The following YPEL1 variants were observed in gnomAD, a reference collection of about 807,000 sequenced individuals.
YPEL1 encodes protein yippee-like 1.
YPEL1 carries 7 observed loss-of-function variants against 17.3 expected under a neutral mutation model. That is an observed-to-expected ratio of 0.40 (90% CI 0.23 to 0.76). YPEL1 has a LOEUF of 0.76. Among genes scored for constraint, YPEL1 ranks in the 30% least tolerant of loss-of-function variants. The probability of loss-of-function intolerance (pLI) is 0.35; values close to 1 mark genes in which losing one functional copy is unlikely to be tolerated. For synonymous variants in YPEL1, 59 were observed against 59.6 expected (o/e 0.99, Z 0.05); for missense variants, 91 against 155.5 (o/e 0.59, Z 2.21).
At chr22:21,718,868 T>C (rs888924404) in intron 1 of YPEL1, among the ~76,000 whole-genome samples, 3 of 152,222 alleles carry the variant, frequency 2.0e-5, no homozygotes, top group Non-Finnish European at 4.4e-5. Flanking sequence ...TGAAAAAGTC[T>C]GCCTATATTG....
chr22:21,719,049 A>G (rs2068255128), intron 1 of YPEL1, among the ~76,000 whole-genome samples: 1 of 152,156 alleles, frequency 6.6e-6, no homozygotes, highest in Non-Finnish European at 1.5e-5. Context: ...ATTGCCCTGA[A>G]CTACTGGGCC....
chr22:21,717,797 T>A (rs767875838), intron 1 of YPEL1, among the ~76,000 whole-genome samples: 7 of 152,092 alleles, frequency 4.6e-5, no homozygotes, highest in Non-Finnish European at 1.0e-4. Context: ...ATAACTGATA[T>A]CTCAGATTTT....
Position 21,712,367 on chromosome 22 carries a change from T to TTA in YPEL1, c.-164-1460_-164-1459insTA, listed in dbSNP as rs1555904116. Among the ~76,000 whole-genome samples, 78 of 130,590 alleles carry TTA rather than the reference T, an allele frequency of 6.0e-4. 1 individual carries two copies. The Middle Eastern group carries it at 0.017, about 28-fold the overall frequency. The allele number at this position is 130,590 out of a possible 152,430, so 85.7% of individuals were successfully genotyped here. On this transcript the variant is annotated intron_variant, in intron 1 of 4. Coordinates refer to ENST00000339468, the MANE Select transcript of YPEL1 (RefSeq NM_013313.5). ...TATATATCCTAGTTATTGGAATATG[T>TTA]AAAAAAAAAAAAAAAAAACAACTAC... is the stretch of plus-strand genomic sequence containing the variant.
chr22:21,703,733 A>T lies in YPEL1; in HGVS notation c.161+106T>A. ...CGGCGGGGGGATGGTGGGTTCTTTCAGGACCCCTAAAGACCCAGGTGATTC... is the reference window on the plus strand; with the variant it reads ...CGGCGGGGGGATGGTGGGTTCTTTCTGGACCCCTAAAGACCCAGGTGATTC... On this transcript the variant is annotated intron_variant, in intron 3 of 4. Coordinates refer to ENST00000339468, the MANE Select transcript of YPEL1 (RefSeq NM_013313.5). This position sits in a 1 kb window ranked among gnomAD's most constrained non-coding sequence, Gnocchi z 6.1. 7.9e-7 allele frequency: 1 copy of T among 1,271,916 alleles called. No individual in the cohort carries two copies. Among genetic ancestry groups the T allele is most frequent in the Non-Finnish European group, 1.1e-6 (1 of 917,104 alleles). The allele number at this position is 1,271,916 out of a possible 1,614,324, so 78.8% of individuals were successfully genotyped here.
rs1348995435 is a variant in YPEL1, at chr22:21,703,220, G to A, written c.270+150C>T. On this transcript the variant is annotated intron_variant, in intron 4 of 4. Coordinates refer to ENST00000339468, the MANE Select transcript of YPEL1 (RefSeq NM_013313.5). The surrounding 1 kb of genome is among the most constrained non-coding windows in gnomAD (Gnocchi z 6.1). ...GCAGTGGTGAGACCATGCCTCACTG[G>A]AGTCTGGACTTCCCACCTCGGCTGA... The A allele has an allele frequency of 1.5e-6, 1 of 674,576 alleles. No homozygotes were observed. Among genetic ancestry groups the A allele is most frequent in the Non-Finnish European group, 2.6e-6 (1 of 381,412 alleles). 41.8% of individuals were successfully genotyped at this position (674,576 alleles called of 1,614,324 possible).
chr22:21,727,430 T>C (rs758621015), intron 1 of YPEL1, among the ~76,000 whole-genome samples: 4 of 152,184 alleles, frequency 2.6e-5, no homozygotes, highest in African/African-American at 7.2e-5. Flanking sequence ...TGCTGGGCAA[T>C]TCACCAGGAA....
Position 21,703,549 on chromosome 22 carries a change from G to T in YPEL1, c.162-71C>A. ...TGACCAGGCCCTGCCCCCTCAGCGG[G>T]CCCCACCCCATCCTCCTAAGAGTTC... On this transcript the variant is annotated intron_variant, in intron 3 of 4. Transcript: ENST00000339468. This position sits in a 1 kb window ranked among gnomAD's most constrained non-coding sequence, Gnocchi z 6.1. The T allele has an allele frequency of 2.9e-6, 4 of 1,399,336 alleles. No homozygotes were observed. Among genetic ancestry groups the T allele is most frequent in the Non-Finnish European group, 4.0e-6 (4 of 1,002,188 alleles). 86.7% of individuals were successfully genotyped at this position (1,399,336 alleles called of 1,614,324 possible).
chr22:21,704,017 C>T (rs2068092602), intron 2 of YPEL1, 135 bp from the exon 3 acceptor site: 1 of 959,196 alleles, frequency 1.0e-6, no homozygotes, highest in East Asian at 2.6e-5. Context: ...ACACCGGCGT[C>T]CCCCCTCCAG....
chr22:21,727,952 C>A (rs1031701777), intron 1 of YPEL1, among the ~76,000 whole-genome samples: 1 of 152,168 alleles, frequency 6.6e-6, no homozygotes, highest in Non-Finnish European at 1.5e-5. Context: ...GAAGCCAGTG[C>A]GTCAGGGTCA....
At position 21,698,592 on chromosome 22, in the gene YPEL1, A is replaced by C. The variant is rs964263817; in HGVS notation, c.*2537T>G. On this transcript the variant is annotated 3_prime_UTR_variant, in exon 5 of 5. Coordinates refer to ENST00000339468, the MANE Select transcript of YPEL1 (RefSeq NM_013313.5). ...GGGTTCCCACATGGGAGAGGAATGA[A>C]GACTCACTCAAAGGGAAGGGTCAGT... is the stretch of plus-strand genomic sequence containing the variant. The C allele has an allele frequency of 3.3e-5, 5 of 152,360 alleles. No individual in the cohort carries two copies. Among genetic ancestry groups the C allele is most frequent in the Admixed American group, 6.5e-5 (1 of 15,276 alleles). 9.4% of individuals were successfully genotyped at this position (152,360 alleles called of 1,614,324 possible). A position where few individuals can be genotyped will look rare whatever the true frequency, so the allele number is the denominator to read the frequency against.
intron 1 of YPEL1, among the ~76,000 whole-genome samples, chr22:21,719,998 C>A (rs1439727191): frequency 7.0e-6 from 1 of 143,232 alleles, no homozygotes; most frequent in Admixed American, 7.1e-5. Context: ...GGTGACAGAG[C>A]GAGACTCCAT....
In YPEL1 at chr22:21,698,117, T is replaced by C. The variant is rs998326199; in HGVS notation, c.*3012A>G. On this transcript the variant is annotated 3_prime_UTR_variant, in exon 5 of 5. Transcript: ENST00000339468. The stretch of plus-strand genomic sequence containing the variant: ...AGTCCTAGATGATATTGTTTAGGAA[T>C]TTAAGAGGGTGGTGGATATGGTCCT... 2.6e-5 allele frequency: 4 copies of C among 152,066 alleles called. No individual in the cohort carries two copies. The highest frequency in any genetic ancestry group is 5.9e-5 in the Non-Finnish European group (4 of 67,976). The allele number at this position is 152,066 out of a possible 1,614,324, so 9.4% of individuals were successfully genotyped here.
intron 1 of YPEL1, among the ~76,000 whole-genome samples, chr22:21,714,986 C>T (rs936446761): frequency 2.0e-5 from 3 of 152,106 alleles, no homozygotes; most frequent in African/African-American, 2.4e-5. Context: ...CCATATCGGT[C>T]GTGGAATGAT....
Position 21,703,621 on chromosome 22 carries a change from C to T in YPEL1, c.162-143G>A, listed in dbSNP as rs1424780932. On this transcript the variant is annotated intron_variant, in intron 3 of 4. Coordinates refer to ENST00000339468, the MANE Select transcript of YPEL1 (RefSeq NM_013313.5). This position sits in a 1 kb window ranked among gnomAD's most constrained non-coding sequence, Gnocchi z 6.1. Reference sequence around the variant, plus strand: ...AGAGAGCAGTGCCGTGCCTCTCCCCCAGCCCTGCCCGCCACCACCATCAAT... The same window carrying T: ...AGAGAGCAGTGCCGTGCCTCTCCCCTAGCCCTGCCCGCCACCACCATCAAT... 48 of 848,626 alleles carry T rather than the reference C, an allele frequency of 5.7e-5. No homozygotes were observed. In the Admixed American group the frequency reaches 1.1e-3, roughly 20 times the overall value. The allele number at this position is 848,626 out of a possible 1,614,324, so 52.6% of individuals were successfully genotyped here.
intron 2 of YPEL1, among the ~76,000 whole-genome samples, chr22:21,705,409 A>AT (rs1482695779): frequency 6.6e-6 from 1 of 152,256 alleles, no homozygotes; most frequent in Non-Finnish European, 1.5e-5. Context: ...TCAGATTTTC[A>AT]TATCTAAATT....
At chr22:21,724,859 C>T (rs117787070) in intron 1 of YPEL1, among the ~76,000 whole-genome samples, 1,630 of 151,912 alleles carry the variant, frequency 0.011, 17 homozygotes, top group Non-Finnish European at 0.016. Flanking sequence ...GGATTAGAGG[C>T]ATGAACCATT....
At chr22:21,710,263 A>G (rs1298817579) in intron 2 of YPEL1, among the ~76,000 whole-genome samples, 1 of 152,104 alleles carries the variant, frequency 6.6e-6, no homozygotes, top group Admixed American at 6.6e-5. Flanking sequence ...GAGTTTTTAA[A>G]ATGTCTTAAT....
rs386819865 is a variant in YPEL1 at position 21,734,576 on chromosome 22, GGC to G, written c.-165+1037_-165+1038del. Among the ~76,000 whole-genome samples the G allele has an allele frequency of 1.8e-3, 281 of 152,238 alleles. 4 individuals carry two copies. Among genetic ancestry groups the G allele is most frequent in the African/African-American group, 6.5e-3 (271 of 41,534 alleles). On this transcript the variant is annotated intron_variant, in intron 1 of 4. Coordinates refer to ENST00000339468, the MANE Select transcript of YPEL1 (RefSeq NM_013313.5). Reference sequence around the variant, plus strand: ...AAGTAGATGAGACTCTACCCTGTAGGGCCCAAGAGGAAACACCATGAAGGTCC... The same window carrying G: ...AAGTAGATGAGACTCTACCCTGTAGGCCAAGAGGAAACACCATGAAGGTCC...
In YPEL1 at chr22:21,733,531, G is replaced by C. The variant is rs143728601; in HGVS notation, c.-165+2084C>G. Among the ~76,000 whole-genome samples the C allele has an allele frequency of 4.5e-3, 688 of 152,186 alleles. 5 individuals are homozygous for C. Among genetic ancestry groups the C allele is most frequent in the African/African-American group, 0.016 (656 of 41,516 alleles). ...GAGGATCGCTTCAGCTCAGGAGTTT[G>C]AGACCAGCAACAGAGTGAGATCCTG... On this transcript the variant is annotated intron_variant, in intron 1 of 4. Transcript: ENST00000339468.
Sources: allele counts gnomAD v4.1 joint callset (sites outside exome capture counted in the v4.1 genomes callset), GRCh38; gene constraint gnomAD v4.1.1; non-coding constraint Gnocchi (gnomAD v3.1); transcripts MANE v1.5; gene names NCBI Gene and HGNC (gene_info 2026-07-23, HGNC 2026-07-21).